Variants in BPTF observed in about 807,000 individuals in gnomAD.
BPTF encodes the protein bromodomain PHD finger transcription factor.
In BPTF, 18 loss-of-function variants were observed where a neutral mutation model predicts 292.5. That is an observed-to-expected ratio of 0.06 (90% confidence interval 0.04 to 0.09). The LOEUF (loss-of-function observed/expected upper bound fraction) is 0.09. Ranked by LOEUF, BPTF falls within the 10% of genes least tolerant of loss-of-function variation. The pLI, the probability that BPTF is intolerant of heterozygous loss-of-function variation, is 1.00. For missense variants in BPTF, 2,726 were observed against 3,498.7 expected, an observed-to-expected ratio of 0.78 and a Z score of 5.57; for synonymous variants, 1,225 against 1,251.9, an observed-to-expected ratio of 0.98 and a Z score of 0.45.
chr17:67,958,436 T>C (rs1203352925), intron 23 of BPTF, among the ~76,000 whole-genome samples: 6 of 151,748 alleles, frequency 4.0e-5, no homozygotes, highest in African/African-American at 9.7e-5. Flanking sequence ...TTAAAAAATA[T>C]ATGAAAAGGG....
chr17:67,945,275 G>A lies in BPTF; in HGVS notation c.6701-134G>A, dbSNP rs1006180525. 5.0e-5 allele frequency: 72 copies of A among 1,453,936 alleles called. No homozygotes were observed. The East Asian group carries it at 5.2e-4, about 11-fold the overall frequency. 90.1% of individuals were successfully genotyped at this position (1,453,936 alleles called of 1,614,324 possible). On this transcript the variant is annotated intron_variant, in intron 20 of 27. Transcript: ENST00000306378. ...GCTCAAACGATCCTCCCACCTCAAC[G>A]TCCCAAGGTGCACAGGTGTGAGCCA...
chr17:67,896,042 C>CA (rs1350638357), intron 7 of BPTF, among the ~76,000 whole-genome samples: 7 of 150,742 alleles, frequency 4.6e-5, no homozygotes, highest in South Asian at 2.1e-4. Context: ...CGGCTCACTG[C>CA]AGCTCCGCCT....
At chr17:67,892,165 C>T (rs547255212) in intron 5 of BPTF, 131 bp downstream of exon 5, 150 of 724,986 alleles carry the variant, frequency 2.1e-4, no homozygotes, top group Non-Finnish European at 2.9e-4. Flanking sequence ...TCTCTGTTTC[C>T]GAAACTGTAG....
chr17:67,896,338 G>A (rs563069826), intron 7 of BPTF, among the ~76,000 whole-genome samples: 2 of 152,250 alleles, frequency 1.3e-5, no homozygotes, highest in South Asian at 4.1e-4. Context: ...GGAGCAACAA[G>A]TGTCGAGATT....
At position 67,894,336 on chromosome 17, in the gene BPTF, C is replaced by CT. The variant is rs371765804; in HGVS notation, c.2543+181dup. On this transcript the variant is annotated intron_variant, in intron 7 of 27. Coordinates refer to ENST00000306378, the MANE Select transcript of BPTF (RefSeq NM_182641.4). ...CATGAATGAATATTATTAGTTCTTT[C>CT]TTTTTTTTTTGAGACAGAGTCTTGC... Among the ~76,000 whole-genome samples, 836 of 148,852 alleles carry CT rather than the reference C, an allele frequency of 5.6e-3. 7 individuals carry two copies. Among genetic ancestry groups the CT allele is most frequent in the African/African-American group, 0.018 (752 of 40,718 alleles).
At chr17:67,856,499 T>C (rs1297830716) in intron 2 of BPTF, among the ~76,000 whole-genome samples, 1 of 152,256 alleles carries the variant, frequency 6.6e-6, no homozygotes, top group Non-Finnish European at 1.5e-5. Context: ...CTTAATTTTC[T>C]GCTCCTCATT....
At chr17:67,928,713 C>T in intron 16 of BPTF, 112 bp downstream of exon 16, 1 of 1,317,910 alleles carries the variant, frequency 7.6e-7, no homozygotes, top group Non-Finnish European at 1.0e-6. Flanking sequence ...CTTTTGCAGC[C>T]AGTTGAGCAA....
intron 11 of BPTF, among the ~76,000 whole-genome samples, chr17:67,915,732 C>T (rs1343890250): frequency 6.7e-6 from 1 of 149,244 alleles, no homozygotes; most frequent in Non-Finnish European, 1.5e-5. Context: ...CTCTGATCCT[C>T]ATTCCCGAGC....
intron 1 of BPTF, among the ~76,000 whole-genome samples, chr17:67,843,452 C>G (rs939533151): frequency 3.3e-5 from 5 of 150,478 alleles, no homozygotes; most frequent in African/African-American, 9.7e-5. Context: ...GTGATCTGCC[C>G]TCCTCAGCCT....
At chr17:67,907,374 G>A (rs1478854154) in intron 9 of BPTF, among the ~76,000 whole-genome samples, 10 of 82,260 alleles carry the variant, frequency 1.2e-4, no homozygotes, top group Admixed American at 4.2e-4. Flanking sequence ...TTTTTTTTTT[G>A]AGATGGAGTT....
intron 5 of BPTF, among the ~76,000 whole-genome samples, chr17:67,892,538 C>G (rs1265024293): frequency 2.6e-5 from 4 of 152,218 alleles, no homozygotes; most frequent in African/African-American, 4.8e-5. Context: ...GACTCGGTAT[C>G]TCTGTGCTTC....
chr17:67,962,152 AAGTT>A (rs1218191537), intron 24 of BPTF, among the ~76,000 whole-genome samples: 25 of 139,832 alleles, frequency 1.8e-4, no homozygotes, highest in Non-Finnish European at 3.2e-4. Flanking sequence ...AAAAAGAAAA[AAGTT>A]AGTGGTAACA....
At chr17:67,946,384 A>G (rs1055658109) in intron 21 of BPTF, 59 bp downstream of exon 21, 70 of 1,563,510 alleles carry the variant, frequency 4.5e-5, no homozygotes, top group Non-Finnish European at 5.8e-5. Flanking sequence ...GCTGTGCAGT[A>G]GAATTAGTGT....
In BPTF at chr17:67,946,276, G is replaced by A. The variant is rs782594079; in HGVS notation, c.7568G>A (p.Arg2523His). Reference sequence around the variant, plus strand: ...AAACAGCAACAGATAGAAATTAAGCGTGAACACACCCTCCAAGCTTCTAAT... The same window carrying A: ...AAACAGCAACAGATAGAAATTAAGCATGAACACACCCTCCAAGCTTCTAAT... ...KKKQQQIEIK[R>H]EHTLQASNQS... The change falls in exon 21 of 28, where the codon CGT (arginine) becomes CAT (histidine). Residue 2523 changes from arginine (R) to histidine (H), a missense_variant. By Grantham distance (29) the Arg-to-His change is conservative. This residue lies in a region of BPTF where 570 missense variants were observed against 633.5 expected (regional missense o/e 0.90). Coordinates refer to ENST00000306378, the MANE Select transcript of BPTF (RefSeq NM_182641.4). The A allele has an allele frequency of 6.8e-6, 11 of 1,614,016 alleles. No individual in the cohort carries two copies. Among genetic ancestry groups the A allele is most frequent in the South Asian group, 5.5e-5 (5 of 91,090 alleles).
chr17:67,909,278 C>T (rs1456995393), intron 9 of BPTF, among the ~76,000 whole-genome samples: 2 of 98,778 alleles, frequency 2.0e-5, no homozygotes, highest in South Asian at 8.7e-4. Context: ...TCCCCCCCCC[C>T]CTTTTTTTTT....
intron 2 of BPTF, among the ~76,000 whole-genome samples, chr17:67,861,924 C>A (rs1488192267): frequency 1.3e-5 from 2 of 152,112 alleles, no homozygotes; most frequent in African/African-American, 4.8e-5. Flanking sequence ...CCCTTTTTCT[C>A]TTGCATCGTG....
chr17:67,911,303 G>A lies in BPTF; in HGVS notation c.3419G>A (p.Cys1140Tyr). Residue 1140 changes from cysteine (C) to tyrosine (Y), a missense_variant, in exon 11 of 28, where the codon TGT becomes TAT. Physicochemically the swap from Cys to Tyr is radical, Grantham distance 194. Coordinates refer to ENST00000306378, the MANE Select transcript of BPTF (RefSeq NM_182641.4). ...CAACCTGAGGACTTGATTCAGGGATGTTCAGAAAGTGATTCCTCAGTTCTT... is the reference window on the plus strand; with the variant it reads ...CAACCTGAGGACTTGATTCAGGGATATTCAGAAAGTGATTCCTCAGTTCTT... ...NDQPEDLIQG[C>Y]SESDSSVLRM... 6.2e-7 allele frequency: 1 copy of A among 1,614,130 alleles called. No individual in the cohort carries two copies.
At chr17:67,873,882 C>T (rs73350897) in intron 3 of BPTF, among the ~76,000 whole-genome samples, 15,343 of 152,132 alleles carry the variant, frequency 0.1, 2,645 homozygotes, top group African/African-American at 0.35. Flanking sequence ...CCAATTTGTT[C>T]TTCAAAAAAG....
At chr17:67,977,644 C>A (rs1316959554) in intron 27 of BPTF, 1 of 151,508 alleles carries the variant, frequency 6.6e-6, no homozygotes, top group Non-Finnish European at 1.5e-5. Flanking sequence ...GAGATGGAGA[C>A]CATCCTGGCT....
Sources: gnomAD v4.1 joint callset for allele counts (sites outside exome capture counted in the v4.1 genomes callset) on GRCh38, gnomAD v4.1.1 for gene constraint, gnomAD v4.1.1 regional missense constraint, MANE v1.5 for transcripts, NCBI Gene and HGNC (gene_info 2026-07-23, HGNC 2026-07-21) for gene names.